Variants in DOCK1 observed in about 807,000 individuals in gnomAD.
The protein encoded by DOCK1 is dedicator of cytokinesis protein 1.
DOCK1 carries 138 observed loss-of-function variants against 262.7 expected under a neutral mutation model. The observed-to-expected ratio is 0.53, with a 90% confidence interval of 0.46 to 0.61. The LOEUF is 0.61. Among genes scored for constraint, DOCK1 ranks in the 20% least tolerant of loss-of-function variants. The pLI is 0.00. For synonymous variants in DOCK1, 866 were observed against 867.4 expected (o/e 1.00, Z 0.03); for missense variants, 1,908 against 2,370.7 (o/e 0.80, Z 4.05).
chr10:127,274,953 G>C (rs1283707760), intron 29 of DOCK1, among the ~76,000 whole-genome samples: 1 of 152,176 alleles, frequency 6.6e-6, no homozygotes, highest in Non-Finnish European at 1.5e-5. Context: ...CACCCCCTTA[G>C]TGGAGATGTT....
chr10:127,403,141 G>T lies in DOCK1; in HGVS notation c.4014G>T (p.Leu1338Phe), dbSNP rs1179477977. ...EMFDYEQLSE[L>F]LKKQAQFYEN... is the part of the protein sequence containing the mutation. ...TTGATTATGAGCAACTCAGCGAATT[G>T]CTGGTGAGTCTTTATTTCTTTTTAT... Residue 1338 changes from leucine to phenylalanine, a missense_variant, in exon 39 of 52, where the codon TTG (leucine) becomes TTT (phenylalanine). This residue lies in a region of DOCK1 where 267 missense variants were observed against 366.3 expected (regional missense o/e 0.73). Transcript: ENST00000623213. 1 of 1,606,230 alleles carries T rather than the reference G, an allele frequency of 6.2e-7. No individual in the cohort carries two copies. Among genetic ancestry groups the T allele is most frequent in the East Asian group, 2.2e-5 (1 of 44,708 alleles).
intron 29 of DOCK1, among the ~76,000 whole-genome samples, chr10:127,276,300 A>G (rs539402862): frequency 6.6e-6 from 1 of 152,228 alleles, no homozygotes; most frequent in African/African-American, 2.4e-5. Context: ...AAGCTTTCCA[A>G]TACATGGGCT....
intron 27 of DOCK1, among the ~76,000 whole-genome samples, chr10:127,246,643 T>C (rs1452723812): frequency 6.6e-6 from 1 of 152,240 alleles, no homozygotes; most frequent in East Asian, 1.9e-4. Flanking sequence ...ATGGAAGATA[T>C]CATATCATCA....
intron 27 of DOCK1, among the ~76,000 whole-genome samples, chr10:127,212,940 A>G (rs2058047881): frequency 1.3e-5 from 2 of 152,212 alleles, no homozygotes; most frequent in Non-Finnish European, 2.9e-5. Context: ...AAAAAATTTA[A>G]CAGTAATACC....
chr10:127,046,757 CAAAAAAA>C (rs5788823), intron 21 of DOCK1, among the ~76,000 whole-genome samples: 65 of 73,374 alleles, frequency 8.9e-4, no homozygotes, highest in Admixed American at 1.7e-3. Context: ...CACTACGTCT[CAAAAAAA>C]AAAAAAAAAA....
chr10:127,242,825 C>T (rs1476156636), intron 27 of DOCK1, among the ~76,000 whole-genome samples: 1 of 152,150 alleles, frequency 6.6e-6, no homozygotes, highest in Non-Finnish European at 1.5e-5. Context: ...AACTTTGTAA[C>T]AAGACCTCAG....
chr10:127,373,359 G>T (rs2065309858), intron 33 of DOCK1, among the ~76,000 whole-genome samples: 1 of 152,144 alleles, frequency 6.6e-6, no homozygotes, highest in Non-Finnish European at 1.5e-5. Context: ...GATGTTTTCA[G>T]ATTGCCGAGA....
At chr10:127,101,299 G>A (rs1592028740) in intron 23 of DOCK1, among the ~76,000 whole-genome samples, 1 of 152,080 alleles carries the variant, frequency 6.6e-6, no homozygotes, top group Non-Finnish European at 1.5e-5. Flanking sequence ...GAGTGGAGAA[G>A]GAGAGGAAAC....
At chr10:126,992,524 T>G (rs1462562206) in intron 6 of DOCK1, among the ~76,000 whole-genome samples, 4 of 152,148 alleles carry the variant, frequency 2.6e-5, no homozygotes, top group Admixed American at 2.6e-4. Flanking sequence ...GTGTTGAATG[T>G]TTGATTTTAA....
intron 3 of DOCK1, among the ~76,000 whole-genome samples, chr10:126,980,697 G>A (rs1385916360): frequency 2.0e-5 from 3 of 147,784 alleles, no homozygotes; most frequent in East Asian, 4.1e-4. Context: ...TTAGTAGCTT[G>A]TTTTCTGCAT....
chr10:126,919,447 C>G (rs748510864), intron 1 of DOCK1, among the ~76,000 whole-genome samples: 1 of 152,122 alleles, frequency 6.6e-6, no homozygotes, highest in Non-Finnish European at 1.5e-5. Context: ...AGGCAGGAAT[C>G]GTCCTGTTCC....
chr10:127,337,866 G>A (rs573239237), intron 29 of DOCK1, among the ~76,000 whole-genome samples: 158 of 152,350 alleles, frequency 1.0e-3, no homozygotes, highest in African/African-American at 2.7e-3. Context: ...CAGTGTGAGC[G>A]TGAGAGAATC....
intron 2 of DOCK1, 145 bp from the exon 3 acceptor site, chr10:126,977,803 C>T (rs1042426879): frequency 2.5e-6 from 2 of 787,924 alleles, no homozygotes; most frequent in Non-Finnish European, 4.2e-6. Flanking sequence ...AGTATATCTC[C>T]AAAGCCTTAG....
At position 126,905,495 on chromosome 10, in the gene DOCK1, C is replaced by T. The variant is rs758800365; in HGVS notation, c.-23C>T. 21 of 533,234 alleles carry T rather than the reference C, an allele frequency of 3.9e-5. No homozygotes were observed. Among genetic ancestry groups the T allele is most frequent in the Non-Finnish European group, 7.3e-5 (21 of 289,528 alleles). 33.0% of individuals were successfully genotyped at this position (533,234 alleles called of 1,614,324 possible). A position where few individuals can be genotyped will look rare whatever the true frequency, so the allele number is the denominator to read the frequency against. On this transcript the variant is annotated 5_prime_UTR_variant, in exon 1 of 52. Coordinates refer to ENST00000623213, the MANE Select transcript of DOCK1 (RefSeq NM_001290223.2). ...CCTAGACGCGGAGTTTCCTGCCCGA[C>T]CCGCGGCGGCTCCGGCGGCGCCATG...
chr10:127,004,289 C>T (rs2040826281), intron 10 of DOCK1, among the ~76,000 whole-genome samples: 1 of 151,718 alleles, frequency 6.6e-6, no homozygotes, highest in Admixed American at 6.6e-5. Context: ...AAGTAAGGAC[C>T]TGATCGTTCT....
At chr10:127,288,775 A>T (rs1419731630) in intron 29 of DOCK1, among the ~76,000 whole-genome samples, 4 of 114,012 alleles carry the variant, frequency 3.5e-5, no homozygotes, top group Non-Finnish European at 5.8e-5. Context: ...TATATATTTC[A>T]CACACACACA....
At position 126,914,466 on chromosome 10, in the gene DOCK1, G is replaced by A. The variant is rs146820636; in HGVS notation, c.46+8903G>A. ...TGGCCAGACCAGAGTGCAGTGATGCGATCATAGCTCACTGCAGCCTTGAAC... is the reference window on the plus strand; with the variant it reads ...TGGCCAGACCAGAGTGCAGTGATGCAATCATAGCTCACTGCAGCCTTGAAC... On this transcript the variant is annotated intron_variant, in intron 1 of 51. Transcript: ENST00000623213. 2.9e-3 allele frequency among the ~76,000 whole-genome samples: 443 copies of A among 152,180 alleles called. 2 individuals are homozygous for A. Among genetic ancestry groups the A allele is most frequent in the African/African-American group, 0.01 (428 of 41,500 alleles).
At chr10:127,393,029 G>A (rs944900970) in intron 38 of DOCK1, among the ~76,000 whole-genome samples, 2 of 152,196 alleles carry the variant, frequency 1.3e-5, no homozygotes, top group Admixed American at 6.5e-5. Context: ...AGGGAGGGCC[G>A]TCAGCATCCA....
At chr10:126,927,790 C>T (rs893753799) in intron 1 of DOCK1, among the ~76,000 whole-genome samples, 16,540 of 152,214 alleles carry the variant, frequency 0.11, 1,079 homozygotes, top group Middle Eastern at 0.2. Flanking sequence ...GAGCTGCCCA[C>T]GTGGCGACAC....
Sources: gnomAD v4.1 joint callset for allele counts (sites outside exome capture counted in the v4.1 genomes callset) on GRCh38, gnomAD v4.1.1 for gene constraint, gnomAD v4.1.1 regional missense constraint, MANE v1.5 for transcripts, NCBI Gene and HGNC (gene_info 2026-07-23, HGNC 2026-07-21) for gene names.